ZNF273: variants seen among roughly 807,000 people sequenced by gnomAD.
ZNF273 encodes zinc finger protein 9.
Under a neutral mutation model 14.9 loss-of-function variants are expected in ZNF273, and 11 were observed. The ratio of observed to expected loss-of-function variants is 0.74; its 90% confidence interval spans 0.46 to 1.22. ZNF273 has a LOEUF of 1.22. Among genes scored for constraint, ZNF273 ranks in the 50% most tolerant of loss-of-function variants. The pLI, the probability that ZNF273 is intolerant of heterozygous loss-of-function variation, is 0.00. For missense variants in ZNF273, 577 were observed against 660.6 expected (o/e 0.87, Z 1.39); for synonymous variants, 199 against 223.9 (o/e 0.89, Z 0.99).
At chr7:64,921,623 TTTTTTTTTTTTTTTG>T (rs1794457705) in intron 3 of ZNF273, among the ~76,000 whole-genome samples, 2 of 43,380 alleles carry the variant, frequency 4.6e-5, no homozygotes, top group Non-Finnish European at 4.5e-5. Flanking sequence ...TTTTTTTTTT[TTTTTTTTTTTTTTTG>T]TGTGTGAGAC....
At chr7:64,892,366 C>T (rs1343505866), downstream of ZNF273, among the ~76,000 whole-genome samples, 2 of 151,926 alleles carry the variant, frequency 1.3e-5, no homozygotes, top group Non-Finnish European at 2.9e-5. Context: ...GTGCTTGGCT[C>T]ATAGTTAGTG....
downstream of ZNF273, among the ~76,000 whole-genome samples, chr7:64,884,259 A>T (rs1220660060): frequency 6.6e-6 from 1 of 151,834 alleles, no homozygotes; most frequent in East Asian, 1.9e-4. Context: ...GGGGGGCCGG[A>T]TTTTTTGCAC....
Position 64,915,932 on chromosome 7 carries a change from A to T in ZNF273, c.103-1649A>T. ...CAGAGATGGCCAGGCATGATGGTTC[A>T]TGCCTGTAATCCCAGCACTTTGGGA... is the stretch of plus-strand genomic sequence containing the variant. On this transcript the variant is annotated intron_variant, in intron 1 of 3. Transcript: ENST00000476120. Among the ~76,000 whole-genome samples, 3 of 151,562 alleles carry T rather than the reference A, an allele frequency of 2.0e-5. No homozygotes were observed. In the South Asian group the frequency reaches 6.2e-4, roughly 31 times the overall value.
At chr7:64,926,292 T>G (rs1794764403) in intron 3 of ZNF273, among the ~76,000 whole-genome samples, 1 of 152,126 alleles carries the variant, frequency 6.6e-6, no homozygotes, top group Admixed American at 6.5e-5. Context: ...TTCCCAAGAT[T>G]GTCTTGCCTG....
At chr7:64,923,461 C>T (rs186779525) in intron 3 of ZNF273, 2 of 435,282 alleles carry the variant, frequency 4.6e-6, no homozygotes, top group Admixed American at 2.6e-5. Flanking sequence ...ACTGCCTCAG[C>T]CTCCCGAGTA....
At chr7:64,889,930 G>T, downstream of ZNF273, 1 of 173,388 alleles carries the variant, frequency 5.8e-6, no homozygotes, top group Non-Finnish European at 9.9e-6. The surrounding 1 kb of genome is among the most constrained non-coding windows in gnomAD (Gnocchi z 4.2). Context: ...CCCTCTATCT[G>T]GTGAGGCCAC....
In ZNF273 at chr7:64,929,806, A is replaced by T. The variant is rs182858667; in HGVS notation, c.*768A>T. ...AGGTTTTTTGAAAAGTGAATAATGT[A>T]ATTCAACTCTCAAATTCATGGTTTT... On this transcript the variant is annotated 3_prime_UTR_variant, in exon 4 of 4. Coordinates refer to ENST00000476120, the MANE Select transcript of ZNF273 (RefSeq NM_021148.3). 6.6e-6 allele frequency: 1 copy of T among 152,558 alleles called. No homozygotes were observed. Among genetic ancestry groups the T allele is most frequent in the African/African-American group, 2.4e-5 (1 of 41,428 alleles). 9.5% of individuals were successfully genotyped at this position (152,558 alleles called of 1,614,324 possible).
downstream of ZNF273, among the ~76,000 whole-genome samples, chr7:64,894,090 C>G (rs1416828407): frequency 1.3e-5 from 2 of 152,108 alleles, no homozygotes; most frequent in Non-Finnish European, 2.9e-5. Context: ...CTGCAACCTC[C>G]GTCTCCCGGG....
downstream of ZNF273, among the ~76,000 whole-genome samples, chr7:64,881,909 C>G (rs1791268388): frequency 1.3e-5 from 2 of 152,172 alleles, no homozygotes; most frequent in Non-Finnish European, 2.9e-5. Context: ...TCGTGGACAC[C>G]CATTTCAGTC....
downstream of ZNF273, among the ~76,000 whole-genome samples, chr7:64,882,956 T>C (rs1196312777): frequency 1.3e-5 from 2 of 151,850 alleles, no homozygotes; most frequent in African/African-American, 4.8e-5. Context: ...GCTGCCCGAG[T>C]GTGTATGCGG....
At chr7:64,883,425 G>C (rs1791384880), downstream of ZNF273, among the ~76,000 whole-genome samples, 1 of 152,124 alleles carries the variant, frequency 6.6e-6, no homozygotes, top group African/African-American at 2.4e-5. Flanking sequence ...CCATCGTCTC[G>C]GGATTTCATT....
chr7:64,912,826 G>GTTTTTTGTTGTTGTTTTTTTTTTTTTT, intron 1 of ZNF273, among the ~76,000 whole-genome samples: 39 of 36,576 alleles, frequency 1.1e-3, no homozygotes, highest in South Asian at 5.2e-3. Flanking sequence ...ATTCATTTTA[G>GTTTTTTGTTGTTGTTTTTTTTTTTTTT]TTTTTTTTTT....
intron 1 of ZNF273, among the ~76,000 whole-genome samples, chr7:64,910,535 TTTTTG>T (rs1185242768): frequency 3.9e-5 from 6 of 152,086 alleles, no homozygotes; most frequent in Non-Finnish European, 8.8e-5. Context: ...ATGAGCCTGT[TTTTTG>T]TTTTGTTTTG....
chr7:64,916,616 A>G (rs1381928079), intron 1 of ZNF273, among the ~76,000 whole-genome samples: 1 of 151,846 alleles, frequency 6.6e-6, no homozygotes, highest in African/African-American at 2.4e-5. Flanking sequence ...TGAAGAGGGC[A>G]TAAAACTGAT....
At chr7:64,926,820 T>A (rs1252157784) in intron 3 of ZNF273, among the ~76,000 whole-genome samples, 1 of 152,198 alleles carries the variant, frequency 6.6e-6, no homozygotes, top group Non-Finnish European at 1.5e-5. Context: ...TTGGGTTTTT[T>A]AGTTAAAGGA....
At chr7:64,886,325 G>A (rs1235813119) in intron 1 of ZNF273, among the ~76,000 whole-genome samples, 1 of 152,178 alleles carries the variant, frequency 6.6e-6, no homozygotes, top group Admixed American at 6.5e-5. Context: ...CTTAAAGTGG[G>A]GTGGGGTAGA....
At chr7:64,913,513 A>G (rs1422763768) in intron 1 of ZNF273, among the ~76,000 whole-genome samples, 2 of 152,266 alleles carry the variant, frequency 1.3e-5, no homozygotes, top group African/African-American at 4.8e-5. Context: ...ACATGTGTAC[A>G]TGCTGTTTTT....
chr7:64,931,913 G>C (rs1794998738), downstream of ZNF273, among the ~76,000 whole-genome samples: 1 of 152,160 alleles, frequency 6.6e-6, no homozygotes, highest in East Asian at 1.9e-4. Context: ...CGAATTTAAA[G>C]AGAAATGCTG....
At chr7:64,888,324 A>T (rs1344095710) in intron 1 of ZNF273, 1 of 985,294 alleles carries the variant, frequency 1.0e-6, no homozygotes, top group Non-Finnish European at 1.2e-6. Flanking sequence ...CAGGCTGCTC[A>T]ACACCTCTGA....
Sources: allele counts gnomAD v4.1 joint callset (sites outside exome capture counted in the v4.1 genomes callset), GRCh38; gene constraint gnomAD v4.1.1; non-coding constraint Gnocchi (gnomAD v3.1); transcripts MANE v1.5; gene names NCBI Gene and HGNC (gene_info 2026-07-23, HGNC 2026-07-21).